TMEM229B: variants seen among roughly 807,000 people sequenced by gnomAD.
TMEM229B encodes the protein transmembrane protein 229B.
In TMEM229B, 6 loss-of-function variants were observed where a neutral mutation model predicts 13.7. The observed-to-expected ratio is 0.44, with a 90% confidence interval of 0.24 to 0.86. The LOEUF is 0.86. TMEM229B is among the 40% of genes least tolerant of loss of function. The pLI, the probability that TMEM229B is intolerant of heterozygous loss-of-function variation, is 0.23. For missense variants in TMEM229B, 170 were observed against 236.0 expected, an observed-to-expected ratio of 0.72 and a Z score of 1.83; for synonymous variants, 107 against 102.1, an observed-to-expected ratio of 1.05 and a Z score of -0.29.
chr14:67,515,783 G>A (rs151245091), upstream of TMEM229B, among the ~76,000 whole-genome samples: 463 of 152,326 alleles, frequency 3.0e-3, 2 homozygotes, highest in Non-Finnish European at 4.0e-3. Context: ...CGGGCTACCT[G>A]AGGGCCACAG....
At chr14:67,478,585 C>T (rs949048738) in intron 2 of TMEM229B, among the ~76,000 whole-genome samples, 4 of 152,240 alleles carry the variant, frequency 2.6e-5, no homozygotes, top group African/African-American at 9.6e-5. Flanking sequence ...AGTGGATCTT[C>T]AACATCTACA....
At chr14:67,479,753 G>A (rs896360115) in intron 2 of TMEM229B, among the ~76,000 whole-genome samples, 4 of 152,152 alleles carry the variant, frequency 2.6e-5, no homozygotes, top group Admixed American at 1.3e-4. Flanking sequence ...GAATGAATAT[G>A]TATTCACCGT....
At chr14:67,523,838 AT>A (rs915714383) in intron 1 of TMEM229B, among the ~76,000 whole-genome samples, 12 of 151,092 alleles carry the variant, frequency 7.9e-5, no homozygotes, top group Middle Eastern at 3.5e-3. Flanking sequence ...CTTTGGAGGA[AT>A]TTTTTTTTTC....
At chr14:67,496,406 T>G (rs1049471785) in intron 1 of TMEM229B, among the ~76,000 whole-genome samples, 2 of 130,406 alleles carry the variant, frequency 1.5e-5, no homozygotes, top group South Asian at 3.0e-4. Flanking sequence ...TTTTTTTTTT[T>G]TTTTTTTTTT....
intron 1 of TMEM229B, among the ~76,000 whole-genome samples, chr14:67,527,189 T>TA (rs1477405034): frequency 3.3e-5 from 5 of 152,128 alleles, no homozygotes; most frequent in African/African-American, 1.2e-4. Context: ...GCGTGGTCTT[T>TA]AGAGTCAGGC....
chr14:67,485,748 G>A (rs1482004459), intron 2 of TMEM229B, among the ~76,000 whole-genome samples: 1 of 152,246 alleles, frequency 6.6e-6, no homozygotes. Context: ...CAGGGGCTGA[G>A]GCTGGAAAGA....
intron 1 of TMEM229B, among the ~76,000 whole-genome samples, chr14:67,487,885 A>G (rs1327132971): frequency 6.6e-6 from 1 of 151,998 alleles, no homozygotes; most frequent in Non-Finnish European, 1.5e-5. Context: ...CAGCCTCCCA[A>G]AGTGCTAGGA....
At chr14:67,505,710 CTT>C (rs535005334) in intron 1 of TMEM229B, among the ~76,000 whole-genome samples, 4 of 141,410 alleles carry the variant, frequency 2.8e-5, no homozygotes, top group African/African-American at 2.6e-5. Flanking sequence ...ATAATTTGCT[CTT>C]TTTTTTTTTT....
At chr14:67,481,915 G>A (rs1248074899) in intron 2 of TMEM229B, among the ~76,000 whole-genome samples, 1 of 152,214 alleles carries the variant, frequency 6.6e-6, no homozygotes, top group Non-Finnish European at 1.5e-5. Flanking sequence ...CATGAAGATA[G>A]GACAGCCCAG....
upstream of TMEM229B, among the ~76,000 whole-genome samples, chr14:67,517,516 A>T (rs1220418604): frequency 6.6e-6 from 1 of 152,202 alleles, no homozygotes; most frequent in Admixed American, 6.5e-5. Context: ...TAATATTTTC[A>T]TCCTTTAGCA....
chr14:67,509,533 G>A (rs938621448), intron 1 of TMEM229B, among the ~76,000 whole-genome samples: 1 of 152,068 alleles, frequency 6.6e-6, no homozygotes, highest in Admixed American at 6.5e-5. Flanking sequence ...TGCTCAGGCT[G>A]GTCTTGAACT....
In TMEM229B at chr14:67,473,474, G is replaced by C. The variant is rs760370071; in HGVS notation, c.450C>G (p.Pro150=). 2.2e-5 allele frequency: 36 copies of C among 1,614,032 alleles called. No homozygotes were observed. Among genetic ancestry groups the C allele is most frequent in the Non-Finnish European group, 2.5e-5 (30 of 1,180,022 alleles). Residue 150 remains proline (P), a synonymous_variant, in exon 3 of 3, where the codon CCC becomes CCG. Transcript: ENST00000554480. This position sits in a 1 kb window ranked among gnomAD's most constrained non-coding sequence, Gnocchi z 6.5. ...LRLRFDKDAE[P]GEPSGALALA... ...GGGCTAGGGCGCCGCTGGGCTCCCC[G>C]GGCTCAGCGTCCTTGTCGAAGCGGA...
intron 1 of TMEM229B, among the ~76,000 whole-genome samples, chr14:67,511,263 AG>A: frequency 6.6e-6 from 1 of 152,248 alleles, no homozygotes; most frequent in Non-Finnish European, 1.5e-5. Flanking sequence ...TGGAAAGCAA[AG>A]GAATGGCAGA....
intron 1 of TMEM229B, among the ~76,000 whole-genome samples, chr14:67,509,374 A>G (rs1426995346): frequency 6.6e-6 from 1 of 151,912 alleles, no homozygotes; most frequent in East Asian, 1.9e-4. Context: ...GCTGGAGTGC[A>G]ATGGCATGAT....
intron 2 of TMEM229B, among the ~76,000 whole-genome samples, chr14:67,474,363 C>G (rs761836387): frequency 3.3e-5 from 5 of 152,122 alleles, no homozygotes; most frequent in Non-Finnish European, 7.4e-5. Context: ...GTCTGTACTC[C>G]CTAGAGCTTT....
rs77654594 is a variant in TMEM229B, at chr14:67,523,537, C to G, written c.-192+10099G>C. Among the ~76,000 whole-genome samples, 1,207 of 152,334 alleles carry G rather than the reference C, an allele frequency of 7.9e-3. 15 individuals are homozygous for G. Among genetic ancestry groups the G allele is most frequent in the African/African-American group, 0.028 (1,158 of 41,568 alleles). The stretch of plus-strand genomic sequence containing the variant: ...CAATGCAAGATGGTCTATAACAAAG[C>G]ATTACCCTGTGCTCCAAGTAATGGC... On this transcript the variant is annotated intron_variant, in intron 1 of 2. Transcript: ENST00000554278.
At chr14:67,487,642 TAAA>T (rs1425024684) in intron 1 of TMEM229B, among the ~76,000 whole-genome samples, 2 of 152,234 alleles carry the variant, frequency 1.3e-5, no homozygotes, top group Admixed American at 1.3e-4. Context: ...AAATGTGTGC[TAAA>T]CCTTTCTACG....
At chr14:67,506,346 G>A (rs546225231) in intron 1 of TMEM229B, among the ~76,000 whole-genome samples, 23 of 152,218 alleles carry the variant, frequency 1.5e-4, no homozygotes, top group Non-Finnish European at 3.1e-4. Flanking sequence ...ACCAGGGAAA[G>A]AACTAATCCC....
At chr14:67,480,206 G>A (rs965608303) in intron 2 of TMEM229B, among the ~76,000 whole-genome samples, 2 of 152,044 alleles carry the variant, frequency 1.3e-5, no homozygotes, top group Non-Finnish European at 2.9e-5. Context: ...CCTCTTACCC[G>A]ATGCAGGGTC....
Sources: allele counts gnomAD v4.1 joint callset (sites outside exome capture counted in the v4.1 genomes callset), GRCh38; gene constraint gnomAD v4.1.1; non-coding constraint Gnocchi (gnomAD v3.1); transcripts MANE v1.5; gene names NCBI Gene and HGNC (gene_info 2026-07-23, HGNC 2026-07-21).